Variants in SLC30A6 observed in about 807,000 individuals in gnomAD.
SLC30A6 encodes the protein zinc transporter 6.
In SLC30A6, 55 loss-of-function variants were observed where a neutral mutation model predicts 63.0. The ratio of observed to expected loss-of-function variants is 0.87; its 90% confidence interval spans 0.70 to 1.09. SLC30A6 has a LOEUF of 1.09. Among genes scored for constraint, SLC30A6 ranks in the 50% least tolerant of loss-of-function variants. The probability of loss-of-function intolerance (pLI) is 0.00; values close to 1 mark genes in which losing one functional copy is unlikely to be tolerated. For missense variants in SLC30A6, 587 were observed against 549.2 expected, an observed-to-expected ratio of 1.07 and a Z score of -0.69; for synonymous variants, 224 against 186.1, an observed-to-expected ratio of 1.20 and a Z score of -1.66.
At chr2:32,200,175 G>A (rs1333200354) in intron 10 of SLC30A6, among the ~76,000 whole-genome samples, 1 of 151,812 alleles carries the variant, frequency 6.6e-6, no homozygotes, top group Non-Finnish European at 1.5e-5. Context: ...TCTCATTGCT[G>A]CTGTCCCTAT....
At chr2:32,169,301 T>C (rs1314902261) in intron 1 of SLC30A6, among the ~76,000 whole-genome samples, 3 of 152,142 alleles carry the variant, frequency 2.0e-5, no homozygotes, top group Non-Finnish European at 2.9e-5. Context: ...CCTGAGTAGC[T>C]GGGACTACAG....
intron 4 of SLC30A6, among the ~76,000 whole-genome samples, chr2:32,176,222 A>G (rs1021606232): frequency 2.0e-5 from 3 of 152,322 alleles, no homozygotes; most frequent in Middle Eastern, 3.4e-3. Flanking sequence ...AAAGTTGCTT[A>G]TCTTCACTAA....
In SLC30A6 at chr2:32,204,808, T is replaced by G. The variant is rs1371267759; in HGVS notation, c.768+116T>G. The stretch of plus-strand genomic sequence containing the variant: ...AAATTTTTATTTTTATTTTTTAATT[T>G]TAATTTTTTTTTTTTTTTTTTTAGA... On this transcript the variant is annotated intron_variant, in intron 11 of 13. Coordinates refer to ENST00000282587, the MANE Select transcript of SLC30A6 (RefSeq NM_017964.5). 4 of 379,952 alleles carry G rather than the reference T, an allele frequency of 1.1e-5. No individual in the cohort carries two copies. The South Asian group carries it at 3.2e-4, about 31-fold the overall frequency. 23.5% of individuals were successfully genotyped at this position (379,952 alleles called of 1,614,324 possible). A position where few individuals can be genotyped will look rare whatever the true frequency, so the allele number is the denominator to read the frequency against.
At chr2:32,166,094 C>G (rs554915965) in intron 1 of SLC30A6, among the ~76,000 whole-genome samples, 191 bp downstream of exon 1, 50 of 152,340 alleles carry the variant, frequency 3.3e-4, no homozygotes, top group Non-Finnish European at 6.8e-4. Flanking sequence ...CGGTCCCTCA[C>G]CTGTTCCGCA....
intron 3 of SLC30A6, 21 bp from the exon 4 acceptor site, chr2:32,175,298 C>T (rs1358102402): frequency 1.9e-6 from 3 of 1,607,778 alleles, no homozygotes; most frequent in African/African-American, 1.3e-5. Context: ...TACTTTTAAT[C>T]ATTTTTTTGT....
intron 10 of SLC30A6, chr2:32,202,544 G>A: frequency 2.9e-6 from 1 of 340,460 alleles, no homozygotes; most frequent in African/African-American, 2.2e-5. Context: ...TGTTAGCCAG[G>A]ATGGTCTCAA....
chr2:32,204,144 A>C, intron 10 of SLC30A6: 1 of 370,956 alleles, frequency 2.7e-6, no homozygotes, highest in Non-Finnish European at 4.8e-6. Flanking sequence ...AAAGTATTTC[A>C]CAAGAATGAT....
At chr2:32,195,076 A>G (rs995724981) in intron 8 of SLC30A6, among the ~76,000 whole-genome samples, 1 of 147,910 alleles carries the variant, frequency 6.8e-6, no homozygotes, top group Non-Finnish European at 1.5e-5. Flanking sequence ...TTAGAATTGT[A>G]TATATTACAG....
chr2:32,201,853 A>G, intron 10 of SLC30A6: 2 of 1,441,406 alleles, frequency 1.4e-6, no homozygotes, highest in Non-Finnish European at 9.7e-7. Flanking sequence ...ATCAGAAACA[A>G]GAGAAAATGG....
intron 1 of SLC30A6, among the ~76,000 whole-genome samples, chr2:32,166,212 T>C (rs1680635171): frequency 1.3e-5 from 2 of 151,522 alleles, no homozygotes. Flanking sequence ...TTTGCCAGCG[T>C]CAACAACTAG....
chr2:32,176,408 C>T (rs1418241723), intron 4 of SLC30A6, among the ~76,000 whole-genome samples: 3 of 151,964 alleles, frequency 2.0e-5, no homozygotes, highest in Non-Finnish European at 4.4e-5. Flanking sequence ...CCTGTAATCC[C>T]AGCACTTTGG....
intron 2 of SLC30A6, among the ~76,000 whole-genome samples, chr2:32,172,195 T>TA (rs773800693): frequency 1.3e-5 from 2 of 152,170 alleles, no homozygotes; most frequent in Non-Finnish European, 2.9e-5. Flanking sequence ...AAGTACAATA[T>TA]AAACATTCAG....
At chr2:32,175,775 C>T (rs991428524) in intron 4 of SLC30A6, among the ~76,000 whole-genome samples, 2 of 151,872 alleles carry the variant, frequency 1.3e-5, no homozygotes, top group African/African-American at 2.4e-5. Flanking sequence ...CAGGAGTTTA[C>T]GACCAGCCTG....
At chr2:32,209,696 A>C in intron 13 of SLC30A6, 135 bp downstream of exon 13, 1 of 707,716 alleles carries the variant, frequency 1.4e-6, no homozygotes, top group African/African-American at 1.8e-5. Context: ...TCTAAAATGT[A>C]CATGAATTCA....
rs537368419 is a variant in SLC30A6 at position 32,168,473 on chromosome 2, A to G, written c.3+2570A>G. ...ATAAGTATATAAAAACAAAATATAA[A>G]GGAAAATAGCCCTTGTCATTAGTGA... On this transcript the variant is annotated intron_variant, in intron 1 of 13. Coordinates refer to ENST00000282587, the MANE Select transcript of SLC30A6 (RefSeq NM_017964.5). Among the ~76,000 whole-genome samples the G allele has an allele frequency of 1.1e-4, 16 of 150,916 alleles. No homozygotes were observed. In the East Asian group the frequency reaches 3.1e-3, roughly 29 times the overall value.
At position 32,193,924 on chromosome 2, in the gene SLC30A6, G is replaced by A. The variant is rs888850393; in HGVS notation, c.437G>A (p.Cys146Tyr). The change falls in exon 8 of 14, where the codon TGT (cysteine) becomes TAT (tyrosine). Residue 146 changes from cysteine to tyrosine, a missense_variant. Physicochemically the swap from Cys to Tyr is radical, Grantham distance 194. Transcript: ENST00000282587. Reference sequence around the variant, plus strand: ...TTAGTTGGTACTTTTGTGGCTCTTTGTTTCAACCTGTTCACGATGCTTTCT... The same window carrying A: ...TTAGTTGGTACTTTTGTGGCTCTTTATTTCAACCTGTTCACGATGCTTTCT... ...RLLVGTFVAL[C>Y]FNLFTMLSIR... The A allele has an allele frequency of 6.2e-7, 1 of 1,613,284 alleles. No homozygotes were observed. Among genetic ancestry groups the A allele is most frequent in the Non-Finnish European group, 8.5e-7 (1 of 1,179,676 alleles).
At chr2:32,200,453 C>T (rs1273111412) in intron 10 of SLC30A6, among the ~76,000 whole-genome samples, 2 of 151,440 alleles carry the variant, frequency 1.3e-5, no homozygotes, top group Non-Finnish European at 2.9e-5. Flanking sequence ...CGGATGGTTG[C>T]TGTGTCTGTG....
At chr2:32,182,061 G>T (rs1682372707) in intron 4 of SLC30A6, among the ~76,000 whole-genome samples, 1 of 151,370 alleles carries the variant, frequency 6.6e-6, no homozygotes, top group South Asian at 2.1e-4. Flanking sequence ...AGCCTCTGGG[G>T]TAGCTGGGAC....
At chr2:32,209,679 AG>A in intron 13 of SLC30A6, 118 bp downstream of exon 13, 2 of 805,128 alleles carry the variant, frequency 2.5e-6, no homozygotes, top group Non-Finnish European at 3.9e-6. Flanking sequence ...AGTTATGTTA[AG>A]CAGAGTCTAA....
Sources: allele counts gnomAD v4.1 joint callset (sites outside exome capture counted in the v4.1 genomes callset), GRCh38; gene constraint gnomAD v4.1.1; transcripts MANE v1.5; gene names NCBI Gene and HGNC (gene_info 2026-07-23, HGNC 2026-07-21).